Variants in SCG3 observed in about 807,000 individuals in gnomAD.
The protein encoded by SCG3 is secretogranin III.
A neutral mutation model predicts 56.2 loss-of-function variants in SCG3; 38 were observed. That is an observed-to-expected ratio of 0.68 (90% CI 0.52 to 0.89). SCG3 has a LOEUF of 0.89. Among genes scored for constraint, SCG3 ranks in the 40% least tolerant of loss-of-function variants. The pLI is 0.00. For missense variants in SCG3, 524 were observed against 540.7 expected (o/e 0.97, Z 0.31); for synonymous variants, 176 against 184.2 (o/e 0.96, Z 0.36).
chr15:51,706,350 C>T (rs2055375701), intron 10 of SCG3, among the ~76,000 whole-genome samples: 1 of 152,176 alleles, frequency 6.6e-6, no homozygotes, highest in African/African-American at 2.4e-5. Flanking sequence ...TTTGAAATGG[C>T]CCAAGAATAG....
At position 51,688,314 on chromosome 15, in the gene SCG3, T is replaced by A. The variant is rs370447314; in HGVS notation, c.452T>A (p.Ile151Asn). Reference sequence around the variant, plus strand: ...GGGACTCCTTTAACCGCTGAAGACATTGTCCATAAAATCGCTGCCAGGATT... The same window carrying A: ...GGGACTCCTTTAACCGCTGAAGACAATGTCCATAAAATCGCTGCCAGGATT... ...LDGTPLTAED[I>N]VHKIAARIYE... Residue 151 changes from isoleucine to asparagine, a missense_variant, in exon 5 of 12, where the codon ATT becomes AAT. Ile to Asn is a moderately radical substitution (Grantham distance 149). Coordinates refer to ENST00000220478, the MANE Select transcript of SCG3 (RefSeq NM_013243.4). 7.4e-6 allele frequency: 12 copies of A among 1,613,792 alleles called. No individual in the cohort carries two copies. The highest frequency in any genetic ancestry group is 1.0e-5 in the Non-Finnish European group (12 of 1,179,846).
intron 7 of SCG3, 126 bp downstream of exon 7, chr15:51,692,462 G>A (rs2055274103): frequency 2.5e-6 from 2 of 800,618 alleles, no homozygotes; most frequent in Non-Finnish European, 3.7e-6. Flanking sequence ...CTGTGGGCTT[G>A]GGGAAAAGGG....
intron 10 of SCG3, chr15:51,713,110 C>A (rs1567223297): frequency 2.9e-6 from 1 of 340,568 alleles, no homozygotes; most frequent in Admixed American, 5.4e-5. Context: ...CAACTTGATT[C>A]TTCCTCCTGG....
Position 51,716,847 on chromosome 15 carries a change from C to T in SCG3, c.1289-2561C>T, listed in dbSNP as rs181777205. 3.5e-3 allele frequency among the ~76,000 whole-genome samples: 531 copies of T among 152,362 alleles called. 2 individuals are homozygous for T. The highest frequency in any genetic ancestry group is 4.7e-3 in the Non-Finnish European group (319 of 68,036). Reference sequence around the variant, plus strand: ...CCAAAAGAGTGCCCCTTCCTTTGCACCAGTTGCATGTCCAGGCCTCTGGAA... The same window carrying T: ...CCAAAAGAGTGCCCCTTCCTTTGCATCAGTTGCATGTCCAGGCCTCTGGAA... On this transcript the variant is annotated intron_variant, in intron 11 of 11. Transcript: ENST00000220478.
Position 51,683,128 on chromosome 15 carries a change from A to G in SCG3, c.181+4A>G. The G allele has an allele frequency of 6.2e-7, 1 of 1,607,380 alleles. No individual in the cohort carries two copies. The highest frequency in any genetic ancestry group is 8.5e-7 in the Non-Finnish European group (1 of 1,176,428). ...ATTAAAAAAACATATCCTCCAGGTA[A>G]AAAGAAATCATATTGATGTTAATTT... On this transcript the variant is annotated splice_donor_region_variant and intron_variant, in intron 3 of 11. Transcript: ENST00000220478.
intron 4 of SCG3, 145 bp downstream of exon 4, chr15:51,683,579 G>A (rs2055209877): frequency 1.9e-6 from 1 of 528,836 alleles, no homozygotes; most frequent in Non-Finnish European, 3.3e-6. Flanking sequence ...TATATTTACT[G>A]ATAACATGTA....
chr15:51,683,014 T>A, intron 2 of SCG3, 65 bp from the exon 3 acceptor site: 1 of 1,285,906 alleles, frequency 7.8e-7, no homozygotes, highest in Non-Finnish European at 1.1e-6. Context: ...ATCATTTGGC[T>A]CTTGTACTTG....
In SCG3 at chr15:51,681,613, G is replaced by A; in HGVS notation, c.-143G>A. On this transcript the variant is annotated 5_prime_UTR_variant, in exon 1 of 12. Transcript: ENST00000220478. ...TTGACCGTCGAGTGTCAGAGATCCT[G>A]CAGCCGCCCAGTCCCGGCCCCTCTC... 1 of 649,404 alleles carries A rather than the reference G, an allele frequency of 1.5e-6. No individual in the cohort carries two copies. The highest frequency in any genetic ancestry group is 2.8e-6 in the Non-Finnish European group (1 of 363,476). The allele number at this position is 649,404 out of a possible 1,614,324, so 40.2% of individuals were successfully genotyped here.
In SCG3 at chr15:51,719,424, G is replaced by T; in HGVS notation, c.1305G>T (p.Lys435Asn). ...ATTTTCCAGATTATGACCTTTCAAA[G>T]ATGAGAGACTTCATCAATAAACAAG... ...KGNKEDYDLSKMRDFINKQAD... is the reference protein window; with the variant it reads ...KGNKEDYDLSNMRDFINKQAD... Residue 435 changes from lysine (K) to asparagine (N), a missense_variant, in exon 12 of 12, where the codon AAG becomes AAT. Coordinates refer to ENST00000220478, the MANE Select transcript of SCG3 (RefSeq NM_013243.4). The T allele has an allele frequency of 9.9e-6, 16 of 1,613,324 alleles. No homozygotes were observed. Among genetic ancestry groups the T allele is most frequent in the Non-Finnish European group, 1.4e-5 (16 of 1,179,462 alleles).
At chr15:51,688,124 G>A (rs1037245882) in intron 4 of SCG3, 136 bp from the exon 5 acceptor site, 19 of 805,942 alleles carry the variant, frequency 2.4e-5, no homozygotes, top group Non-Finnish European at 3.2e-5. Context: ...GAGGGTTTCT[G>A]TGGACCGAGA....
At position 51,688,361 on chromosome 15, in the gene SCG3, G is replaced by A. The variant is rs766817301; in HGVS notation, c.499G>A (p.Val167Met). ...ARIYEENDRA[V>M]FDKIVSKLLN... ...GATTTATGAAGAAAATGACAGAGCC[G>A]TGTTTGACAAGATTGTTTCTAAACT... is the stretch of plus-strand genomic sequence containing the variant. The change falls in exon 5 of 12, where the codon GTG (valine) becomes ATG (methionine). Residue 167 changes from valine (V) to methionine (M), a missense_variant. Transcript: ENST00000220478. 1.5e-5 allele frequency: 24 copies of A among 1,613,700 alleles called. No homozygotes were observed. Among genetic ancestry groups the A allele is most frequent in the Admixed American group, 8.3e-5 (5 of 59,940 alleles).
chr15:51,696,097 C>T (rs1468463878), intron 8 of SCG3, 106 bp downstream of exon 8: 4 of 734,538 alleles, frequency 5.4e-6, no homozygotes, highest in African/African-American at 3.6e-5. Context: ...TATGCCAAAG[C>T]TTTCCAAATC....
At chr15:51,695,434 A>G (rs1400410508) in intron 7 of SCG3, among the ~76,000 whole-genome samples, 1 of 152,208 alleles carries the variant, frequency 6.6e-6, no homozygotes, top group Non-Finnish European at 1.5e-5. Context: ...ATTAGCAAAT[A>G]TTTTAAATGA....
chr15:51,704,240 C>CATACAT (rs1227949476), intron 10 of SCG3, among the ~76,000 whole-genome samples: 1 of 58,826 alleles, frequency 1.7e-5, no homozygotes, highest in African/African-American at 6.9e-5. Context: ...TACATACATA[C>CATACAT]ATACATATAT....
chr15:51,704,497 A>G (rs2055360915), intron 10 of SCG3, among the ~76,000 whole-genome samples: 1 of 149,746 alleles, frequency 6.7e-6, no homozygotes, highest in Non-Finnish European at 1.5e-5. Flanking sequence ...CTCCACGGCA[A>G]TAACCATTCT....
chr15:51,712,475 C>T (rs182857237), intron 10 of SCG3, among the ~76,000 whole-genome samples: 2 of 152,302 alleles, frequency 1.3e-5, no homozygotes, highest in African/African-American at 4.8e-5. Flanking sequence ...CATTACTGTC[C>T]ATGTCTGAAG....
intron 4 of SCG3, among the ~76,000 whole-genome samples, chr15:51,687,560 A>G (rs535779353): frequency 6.6e-6 from 1 of 152,354 alleles, no homozygotes; most frequent in South Asian, 2.1e-4. Context: ...TTCTCTGCAA[A>G]GATTTACATA....
intron 8 of SCG3, among the ~76,000 whole-genome samples, chr15:51,696,926 A>G (rs898354083): frequency 6.6e-5 from 10 of 152,110 alleles, no homozygotes; most frequent in Non-Finnish European, 1.0e-4. Context: ...TCAAAACTAT[A>G]CCAGATAGGG....
chr15:51,709,166 T>C (rs925405048), intron 10 of SCG3, among the ~76,000 whole-genome samples: 3 of 152,214 alleles, frequency 2.0e-5, no homozygotes, highest in Non-Finnish European at 4.4e-5. Context: ...CTTCACATGA[T>C]GGTAGGAAGG....
Sources: allele counts gnomAD v4.1 joint callset (sites outside exome capture counted in the v4.1 genomes callset), GRCh38; gene constraint gnomAD v4.1.1; transcripts MANE v1.5; gene names NCBI Gene and HGNC (gene_info 2026-07-23, HGNC 2026-07-21).